The following SMNDC1 variants were observed in gnomAD, a reference collection of about 807,000 sequenced individuals.
The protein encoded by SMNDC1 is survival motor neuron domain containing 1.
Under a neutral mutation model 29.2 loss-of-function variants are expected in SMNDC1, and 5 were observed. The ratio of observed to expected loss-of-function variants is 0.17; its 90% CI spans 0.09 to 0.36. SMNDC1 has a LOEUF of 0.36. SMNDC1 is among the 10% of genes least tolerant of loss of function. SMNDC1 has a pLI of 1.00. For missense variants in SMNDC1, 142 were observed against 268.5 expected (o/e 0.53, Z 3.29); for synonymous variants, 80 against 89.9 (o/e 0.89, Z 0.62).
chr10:110,297,080 T>G (rs1704356531), intron 4 of SMNDC1, among the ~76,000 whole-genome samples: 1 of 152,230 alleles, frequency 6.6e-6, no homozygotes, highest in Non-Finnish European at 1.5e-5. Context: ...TGGCTCTTAC[T>G]CTTTTCAAAT....
intron 3 of SMNDC1, 165 bp from the exon 4 acceptor site, chr10:110,297,893 T>C (rs1218635733): frequency 1.6e-6 from 1 of 615,622 alleles, no homozygotes; most frequent in Non-Finnish European, 2.7e-6. Context: ...AAGTTAGTTA[T>C]CTGCTATCAA....
Position 110,303,528 on chromosome 10 carries a change from T to G in SMNDC1, c.60A>C (p.Glu20Asp). ...ASYKAQLQQV[E>D]AALSGNGENE... ...TTTCTCCATTTCCAGATAATGCAGC[T>G]TCAACTTGCTGGAGCTGAGCTTTGT... The change falls in exon 2 of 6, where the codon GAA becomes GAC. Residue 20 changes from glutamate (E) to aspartate (D), a missense_variant. Coordinates refer to ENST00000369603, the MANE Select transcript of SMNDC1 (RefSeq NM_005871.4). The G allele has an allele frequency of 6.3e-7, 1 of 1,581,152 alleles. No homozygotes were observed. Among genetic ancestry groups the G allele is most frequent in the South Asian group, 1.2e-5 (1 of 85,148 alleles).
intron 5 of SMNDC1, among the ~76,000 whole-genome samples, chr10:110,294,916 T>C (rs907225968): frequency 1.3e-5 from 2 of 152,238 alleles, no homozygotes; most frequent in African/African-American, 2.4e-5. Context: ...CATGAAGGCA[T>C]GTTAACAAAG....
intron 1 of SMNDC1, chr10:110,304,142 CAA>C (rs1857702262): frequency 6.6e-6 from 1 of 152,298 alleles, no homozygotes; most frequent in Non-Finnish European, 1.5e-5. Flanking sequence ...TTATCTTCAG[CAA>C]AAAGAACAGC....
At chr10:110,300,417 G>T in intron 2 of SMNDC1, 1 of 325,506 alleles carries the variant, frequency 3.1e-6, no homozygotes, top group Non-Finnish European at 4.4e-6. Context: ...CTTTAACTTT[G>T]CCATGGTTTT....
intron 2 of SMNDC1, chr10:110,300,855 G>GA: frequency 2.1e-5 from 6 of 287,480 alleles, no homozygotes; most frequent in Non-Finnish European, 2.6e-5. Flanking sequence ...GAGCTAGTCA[G>GA]CTAGCTAGCC....
At chr10:110,301,926 A>G (rs1396318605) in intron 2 of SMNDC1, among the ~76,000 whole-genome samples, 1 of 152,212 alleles carries the variant, frequency 6.6e-6, no homozygotes, top group East Asian at 1.9e-4. Flanking sequence ...AGAAATATTA[A>G]AAAGACCTGA....
intron 2 of SMNDC1, among the ~76,000 whole-genome samples, chr10:110,301,529 T>G (rs976831921): frequency 1.2e-4 from 19 of 152,244 alleles, no homozygotes; most frequent in Non-Finnish European, 2.4e-4. Context: ...GTATTAAAAC[T>G]TGCACTTCTA....
intron 4 of SMNDC1, 110 bp from the exon 5 acceptor site, chr10:110,295,491 C>G (rs1857552063): frequency 2.9e-6 from 2 of 685,264 alleles, no homozygotes; most frequent in African/African-American, 1.9e-5. Context: ...ATACAATGGT[C>G]TATGAATAAA....
intron 1 of SMNDC1, chr10:110,303,856 T>C: frequency 2.7e-6 from 1 of 368,430 alleles, no homozygotes; most frequent in South Asian, 4.2e-5. Context: ...AATTTTCTTT[T>C]AACTCCTATC....
intron 5 of SMNDC1, 37 bp from the exon 6 acceptor site, chr10:110,294,324 G>A (rs761143813): frequency 8.2e-5 from 125 of 1,518,554 alleles, no homozygotes; most frequent in Admixed American, 4.8e-4. Flanking sequence ...CCTGATTAGT[G>A]TTGGAAAAAA....
rs1857580978 is a variant in SMNDC1, at chr10:110,297,445, A to G, written c.425+122T>C. ...AGACAATGTTGACCCTTTGTTGCTA[A>G]TCTTCAAAACAACGGTAAAACAGTA... On this transcript the variant is annotated intron_variant, in intron 4 of 5. Transcript: ENST00000369603. The G allele has an allele frequency of 4.6e-6, 4 of 875,346 alleles. No individual in the cohort carries two copies. The South Asian group carries it at 5.3e-5, about 11-fold the overall frequency. 54.2% of individuals were successfully genotyped at this position (875,346 alleles called of 1,614,324 possible). A position where few individuals can be genotyped will look rare whatever the true frequency, so the allele number is the denominator to read the frequency against.
At chr10:110,295,136 T>C in intron 5 of SMNDC1, 92 bp downstream of exon 5, 2 of 1,239,690 alleles carry the variant, frequency 1.6e-6, no homozygotes, top group Admixed American at 2.6e-5. Context: ...TTAATCATAC[T>C]TTACAAAAAA....
intron 4 of SMNDC1, among the ~76,000 whole-genome samples, chr10:110,297,079 C>T (rs1857573987): frequency 6.6e-6 from 1 of 152,152 alleles, no homozygotes. Flanking sequence ...TTGGCTCTTA[C>T]TCTTTTCAAA....
chr10:110,296,853 C>T (rs529825166), intron 4 of SMNDC1, among the ~76,000 whole-genome samples: 1 of 152,108 alleles, frequency 6.6e-6, no homozygotes, highest in Non-Finnish European at 1.5e-5. Flanking sequence ...CTCACCTCCC[C>T]CCTTTAAAAA....
At chr10:110,294,645 G>A (rs1857540871) in intron 5 of SMNDC1, among the ~76,000 whole-genome samples, 1 of 152,198 alleles carries the variant, frequency 6.6e-6, no homozygotes, top group Non-Finnish European at 1.5e-5. Context: ...TGTTATGATA[G>A]CCAAATTGTG....
intron 4 of SMNDC1, among the ~76,000 whole-genome samples, chr10:110,296,956 C>T (rs1462948059): frequency 6.6e-6 from 1 of 152,170 alleles, no homozygotes; most frequent in African/African-American, 2.4e-5. Context: ...ATGTACTGCC[C>T]CTATCTTACA....
intron 5 of SMNDC1, 50 bp downstream of exon 5, chr10:110,295,178 A>T: frequency 6.7e-7 from 1 of 1,496,082 alleles, no homozygotes; most frequent in Non-Finnish European, 9.0e-7. Flanking sequence ...AAGTTATTTT[A>T]ATGACAGTTG....
intron 4 of SMNDC1, among the ~76,000 whole-genome samples, chr10:110,295,602 CTATT>C (rs1857553358): frequency 6.6e-6 from 1 of 150,726 alleles, no homozygotes; most frequent in Admixed American, 6.6e-5. Flanking sequence ...TAACTGTAAT[CTATT>C]TACCCATATA....
Sources: allele counts gnomAD v4.1 joint callset (sites outside exome capture counted in the v4.1 genomes callset), GRCh38; gene constraint gnomAD v4.1.1; transcripts MANE v1.5; gene names NCBI Gene and HGNC (gene_info 2026-07-23, HGNC 2026-07-21).